The following HELZ variants were observed in gnomAD, a reference collection of about 807,000 sequenced individuals.
The protein encoded by HELZ is ATP-dependent RNA helicase with zinc finger domain.
HELZ carries 23 observed loss-of-function variants against 218.2 expected under a neutral mutation model. That is an observed-to-expected ratio of 0.11 (90% confidence interval 0.08 to 0.15). The LOEUF (loss-of-function observed/expected upper bound fraction) is 0.15. HELZ is among the 10% of genes least tolerant of loss of function. The pLI is 1.00. For missense variants in HELZ, 1,813 were observed against 2,353.7 expected, an observed-to-expected ratio of 0.77 and a Z score of 4.75; for synonymous variants, 814 against 829.4, an observed-to-expected ratio of 0.98 and a Z score of 0.32.
intron 13 of HELZ, among the ~76,000 whole-genome samples, chr17:67,173,435 T>C (rs1261396203): frequency 2.0e-5 from 3 of 152,188 alleles, no homozygotes. Context: ...TTTTAGGGAA[T>C]GACAGAATTA....
At chr17:67,232,014 T>A (rs1054019629) in intron 3 of HELZ, among the ~76,000 whole-genome samples, 1 of 143,510 alleles carries the variant, frequency 7.0e-6, no homozygotes, top group Non-Finnish European at 1.5e-5. Flanking sequence ...GATCACACCA[T>A]TGTACTCTAG....
At chr17:67,110,921 C>A (rs1335912498) in intron 28 of HELZ, among the ~76,000 whole-genome samples, 1 of 152,130 alleles carries the variant, frequency 6.6e-6, no homozygotes, top group African/African-American at 2.4e-5. Context: ...GAGGATGCAA[C>A]TGTAGTGCCT....
chr17:67,122,133 T>C lies in HELZ; in HGVS notation c.3630+837A>G, dbSNP rs545604023. On this transcript the variant is annotated intron_variant, in intron 26 of 32. Transcript: ENST00000358691. ...AGATTACAAAGGTGGCCAGGCACAG[T>C]GGCTCATGCCTGTAATCCCAGTGCT... 2.0e-5 allele frequency among the ~76,000 whole-genome samples: 3 copies of C among 152,364 alleles called. No individual in the cohort carries two copies. In the South Asian group the frequency reaches 6.2e-4, roughly 32 times the overall value.
At chr17:67,195,219 C>T (rs2039992712) in intron 8 of HELZ, among the ~76,000 whole-genome samples, 200 bp downstream of exon 8, 1 of 152,194 alleles carries the variant, frequency 6.6e-6, no homozygotes, top group African/African-American at 2.4e-5. Flanking sequence ...CCTCCTACCT[C>T]CATTACTCCA....
Position 67,107,382 on chromosome 17 carries a change from G to A in HELZ, c.5028C>T (p.Tyr1676=), listed in dbSNP as rs1281846924. The change falls in exon 31 of 33, where the codon TAC becomes TAT. Residue 1676 remains tyrosine (Y), a synonymous_variant. Transcript: ENST00000358691. The part of the protein sequence containing the change: ...SEHLAPPPLK[Y]LAPDGAWTFA... The stretch of plus-strand genomic sequence containing the variant: ...AAGTCCATGCTCCATCAGGTGCCAG[G>A]TATTTCAAGGGAGGAGGGGCAAGGT... The A allele has an allele frequency of 6.2e-7, 1 of 1,614,064 alleles. No homozygotes were observed. Among genetic ancestry groups the A allele is most frequent in the Non-Finnish European group, 8.5e-7 (1 of 1,180,022 alleles).
chr17:67,215,690 A>G, intron 5 of HELZ: 1 of 573,438 alleles, frequency 1.7e-6, no homozygotes, highest in East Asian at 3.1e-5. Flanking sequence ...TTCCCAGGGG[A>G]GTGACAAGAA....
intron 19 of HELZ, among the ~76,000 whole-genome samples, chr17:67,149,163 T>A (rs1275585648): frequency 6.6e-6 from 1 of 152,202 alleles, no homozygotes; most frequent in Non-Finnish European, 1.5e-5. Flanking sequence ...TTATGAAGTA[T>A]AAGGAGCCAT....
At chr17:67,139,160 T>A (rs2038243229) in intron 21 of HELZ, among the ~76,000 whole-genome samples, 1 of 152,062 alleles carries the variant, frequency 6.6e-6, no homozygotes, top group Non-Finnish European at 1.5e-5. Context: ...AAACTTGAGG[T>A]TACTGACTAC....
intron 23 of HELZ, among the ~76,000 whole-genome samples, chr17:67,135,042 CT>C (rs912539808): frequency 2.0e-5 from 3 of 151,354 alleles, no homozygotes; most frequent in African/African-American, 7.3e-5. Flanking sequence ...CTATTACTGG[CT>C]TTGTACAGTT....
intron 7 of HELZ, among the ~76,000 whole-genome samples, chr17:67,195,802 C>T (rs925456260): frequency 3.3e-5 from 5 of 150,514 alleles, no homozygotes; most frequent in East Asian, 2.0e-4. Flanking sequence ...CTCTTCATAA[C>T]ACCTAGAAAA....
chr17:67,167,914 T>C (rs1342781195), intron 13 of HELZ, 118 bp from the exon 14 acceptor site: 1 of 679,376 alleles, frequency 1.5e-6, no homozygotes, highest in East Asian at 2.8e-5. Context: ...ATTATATCAA[T>C]TCCACTTCAT....
intron 4 of HELZ, among the ~76,000 whole-genome samples, chr17:67,217,915 T>G (rs1464923254): frequency 5.3e-5 from 8 of 149,968 alleles, no homozygotes; most frequent in Non-Finnish European, 8.9e-5. Flanking sequence ...TTTTTTTTGG[T>G]TTTTGTTTTT....
intron 12 of HELZ, among the ~76,000 whole-genome samples, chr17:67,183,394 T>C (rs2039664755): frequency 6.6e-6 from 1 of 152,230 alleles, no homozygotes; most frequent in Non-Finnish European, 1.5e-5. Context: ...CAGTTTCTTT[T>C]ATTGACAAAC....
intron 22 of HELZ, among the ~76,000 whole-genome samples, chr17:67,137,600 T>C (rs1226096962): frequency 6.6e-6 from 1 of 152,188 alleles, no homozygotes; most frequent in African/African-American, 2.4e-5. Flanking sequence ...TAAAAATCTT[T>C]ATGAAGAAAT....
chr17:67,214,450 G>A (rs1361954201), intron 5 of HELZ, among the ~76,000 whole-genome samples: 8 of 151,312 alleles, frequency 5.3e-5, no homozygotes, highest in South Asian at 2.1e-4. Context: ...ATTTTTAGTA[G>A]AGATGGGGTT....
rs59161836 is a variant in HELZ at position 67,242,500 on chromosome 17, CTATACACACATATATGTATA to C, written c.-76+1264_-76+1283del. 3.4e-4 allele frequency among the ~76,000 whole-genome samples: 48 copies of C among 141,458 alleles called. 1 individual carries two copies. Among genetic ancestry groups the C allele is most frequent in the East Asian group, 6.1e-4 (3 of 4,904 alleles). The allele number at this position is 141,458 out of a possible 152,430, so 92.8% of individuals were successfully genotyped here. A position where few individuals can be genotyped will look rare whatever the true frequency, so the allele number is the denominator to read the frequency against. On this transcript the variant is annotated intron_variant, in intron 2 of 32. Transcript: ENST00000358691. ...CATATATACATATATACACACATAT[CTATACACACATATATGTATA>C]TATACACACATATATGTATATATAC...
chr17:67,111,339 G>A (rs568633254), intron 28 of HELZ, among the ~76,000 whole-genome samples: 1 of 152,278 alleles, frequency 6.6e-6, no homozygotes, highest in South Asian at 2.1e-4. Flanking sequence ...AAGATGGAAA[G>A]AGGCAATTTT....
At chr17:67,189,537 G>T in intron 11 of HELZ, 52 bp downstream of exon 11, 4 of 1,174,606 alleles carry the variant, frequency 3.4e-6, no homozygotes, top group South Asian at 2.5e-5. Flanking sequence ...TCAAAAAAAC[G>T]TTCAGAAAAT....
At chr17:67,222,997 C>T (rs903868779) in intron 3 of HELZ, among the ~76,000 whole-genome samples, 1 of 151,086 alleles carries the variant, frequency 6.6e-6, no homozygotes, top group African/African-American at 2.4e-5. Flanking sequence ...CCTGTAATCC[C>T]AGCACTTTGG....
Sources: gnomAD v4.1 joint callset for allele counts (sites outside exome capture counted in the v4.1 genomes callset) on GRCh38, gnomAD v4.1.1 for gene constraint, MANE v1.5 for transcripts, NCBI Gene and HGNC (gene_info 2026-07-23, HGNC 2026-07-21) for gene names.